The following LRRC69 variants were observed in gnomAD, a reference collection of about 807,000 sequenced individuals.
LRRC69 encodes leucine rich repeat containing 69.
LRRC69 carries 42 observed loss-of-function variants against 37.8 expected under a neutral mutation model. The ratio of observed to expected loss-of-function variants is 1.11; its 90% confidence interval spans 0.87 to 1.44. The LOEUF is 1.44. Ranked by LOEUF, LRRC69 falls within the 40% of genes most tolerant of loss-of-function variation. The pLI, the probability that LRRC69 is intolerant of heterozygous loss-of-function variation, is 0.00. For missense variants in LRRC69, 357 were observed against 401.9 expected, an observed-to-expected ratio of 0.89 and a Z score of 0.96; for synonymous variants, 141 against 143.1, an observed-to-expected ratio of 0.99 and a Z score of 0.11.
At chr8:91,197,657 C>A (rs555546174) in intron 6 of LRRC69, among the ~76,000 whole-genome samples, 1 of 152,212 alleles carries the variant, frequency 6.6e-6, no homozygotes. Context: ...AACTCCCTGA[C>A]CCCTTGCGCT....
At chr8:91,159,910 A>C (rs1221082427) in intron 5 of LRRC69, among the ~76,000 whole-genome samples, 1 of 151,066 alleles carries the variant, frequency 6.6e-6, no homozygotes, top group Non-Finnish European at 1.5e-5. Context: ...TCATGTCTCC[A>C]ACAACAGTGA....
chr8:91,176,667 G>A (rs1436172553), intron 5 of LRRC69, among the ~76,000 whole-genome samples: 1 of 152,184 alleles, frequency 6.6e-6, no homozygotes, highest in African/African-American at 2.4e-5. Flanking sequence ...CAGGAGAGCT[G>A]ATGGCATAAG....
At position 91,178,257 on chromosome 8, in the gene LRRC69, C is replaced by A. The variant is rs183339588; in HGVS notation, c.652-11265C>A. Among the ~76,000 whole-genome samples, 1,508 of 152,266 alleles carry A rather than the reference C, an allele frequency of 9.9e-3. 13 individuals carry two copies. Among genetic ancestry groups the A allele is most frequent in the Middle Eastern group, 0.02 (6 of 294 alleles). On this transcript the variant is annotated intron_variant, in intron 5 of 7. Coordinates refer to ENST00000448384, the Ensembl canonical transcript of LRRC69. ...TGACAGAGTAGTAGTTGGAAAGAGT[C>A]CAGGCCTAGAGGCCTATTTCATTTC...
intron 5 of LRRC69, chr8:91,157,787 G>T: frequency 6.2e-7 from 1 of 1,607,712 alleles, no homozygotes; most frequent in Non-Finnish European, 8.5e-7. Context: ...TATCGCAGCA[G>T]TGGAAGTGGA....
intron 5 of LRRC69, among the ~76,000 whole-genome samples, chr8:91,160,280 G>T (rs1278122799): frequency 5.3e-5 from 8 of 149,850 alleles, no homozygotes; most frequent in African/African-American, 1.9e-4. Context: ...CAGGTTTTTT[G>T]GCGGAATCTT....
intron 6 of LRRC69, among the ~76,000 whole-genome samples, chr8:91,189,863 A>G (rs569315533): frequency 6.6e-6 from 1 of 152,212 alleles, no homozygotes; most frequent in Non-Finnish European, 1.5e-5. Flanking sequence ...TGTAGGATGA[A>G]TAAAAGAGAG....
chr8:91,214,062 G>A (rs1378578205), intron 7 of LRRC69, among the ~76,000 whole-genome samples: 5 of 152,152 alleles, frequency 3.3e-5, no homozygotes, highest in Admixed American at 2.6e-4. Context: ...TGGCAATAGT[G>A]TGCTGGCTTA....
intron 7 of LRRC69, among the ~76,000 whole-genome samples, chr8:91,214,512 C>A (rs1048409895): frequency 6.6e-6 from 1 of 152,124 alleles, no homozygotes; most frequent in Admixed American, 6.6e-5. Flanking sequence ...GGGAATCATA[C>A]AATGACTAAC....
At chr8:91,134,542 T>G (rs561200785) in intron 4 of LRRC69, among the ~76,000 whole-genome samples, 61 of 151,674 alleles carry the variant, frequency 4.0e-4, no homozygotes, top group Non-Finnish European at 5.9e-4. Context: ...ACAGTGAACA[T>G]GTATCTTTCC....
chr8:91,172,964 A>G (rs887048027), intron 5 of LRRC69, among the ~76,000 whole-genome samples: 8 of 152,002 alleles, frequency 5.3e-5, no homozygotes, highest in Admixed American at 1.3e-4. Flanking sequence ...CACTTTACAG[A>G]GAGGAAAAAT....
At chr8:91,196,794 C>T (rs1235946391) in intron 6 of LRRC69, among the ~76,000 whole-genome samples, 1 of 151,958 alleles carries the variant, frequency 6.6e-6, no homozygotes, top group African/African-American at 2.4e-5. Context: ...GTTTGAATGT[C>T]CTCCCGTAGC....
chr8:91,178,615 G>A (rs1268505487), intron 5 of LRRC69, among the ~76,000 whole-genome samples: 1 of 152,216 alleles, frequency 6.6e-6, no homozygotes, highest in Non-Finnish European at 1.5e-5. Flanking sequence ...TAAAGATGAT[G>A]AAAGTCCCTG....
chr8:91,110,738 A>G (rs1813394085), intron 1 of LRRC69, among the ~76,000 whole-genome samples: 1 of 152,066 alleles, frequency 6.6e-6, no homozygotes, highest in Non-Finnish European at 1.5e-5. Context: ...GTGATAATTA[A>G]TAGCTACAAG....
At chr8:91,219,032 C>A, downstream of LRRC69, 1 of 1,249,456 alleles carries the variant, frequency 8.0e-7, no homozygotes, top group South Asian at 1.4e-5. Context: ...TAGCCTCACT[C>A]CACTTGCCCT....
intron 5 of LRRC69, among the ~76,000 whole-genome samples, chr8:91,187,717 C>T (rs1809428623): frequency 6.6e-6 from 1 of 152,220 alleles, no homozygotes; most frequent in South Asian, 2.1e-4. Flanking sequence ...GTCTTATTCT[C>T]TGCTTCAAAC....
chr8:91,132,733 T>C (rs1322119801), intron 3 of LRRC69, among the ~76,000 whole-genome samples: 1 of 152,014 alleles, frequency 6.6e-6, no homozygotes, highest in African/African-American at 2.4e-5. Flanking sequence ...TGTCTATGTA[T>C]GCTTATGCCT....
chr8:91,218,915 A>C lies in LRRC69; in HGVS notation c.959A>C (p.Lys320Thr), dbSNP rs757166739. Residue 320 changes from lysine to threonine, a missense_variant, in exon 8 of 8, where the codon AAG (lysine) becomes ACG (threonine). Coordinates refer to ENST00000448384, the Ensembl canonical transcript of LRRC69. ...GACTGGAAGATAAGCAAGAATCTGA[A>C]GCTGGTGCCTCTCCAAGTATTAATT... is the stretch of plus-strand genomic sequence containing the variant. 5.2e-6 allele frequency: 8 copies of C among 1,550,130 alleles called. 1 individual carries two copies.
rs555679297 is a variant in LRRC69 at position 91,109,258 on chromosome 8, G to C, written c.183+6414G>C. 1.8e-4 allele frequency among the ~76,000 whole-genome samples: 28 copies of C among 152,172 alleles called. No homozygotes were observed. In the Middle Eastern group the frequency reaches 0.01, roughly 55 times the overall value. ...ATGCAGCTTCTCTCTCTGCTGGCAG[G>C]TGTCTAGAAAAGACACAGCCCTCTT... On this transcript the variant is annotated intron_variant, in intron 1 of 7. Transcript: ENST00000448384.
At chr8:91,217,092 AT>A (rs1377145948) in intron 7 of LRRC69, among the ~76,000 whole-genome samples, 1 of 152,012 alleles carries the variant, frequency 6.6e-6, no homozygotes, top group African/African-American at 2.4e-5. Flanking sequence ...GGGCTGAGCC[AT>A]ATGTTTCTAT....
Sources: allele counts gnomAD v4.1 joint callset (sites outside exome capture counted in the v4.1 genomes callset), GRCh38; gene constraint gnomAD v4.1.1; transcripts MANE v1.5; gene names NCBI Gene and HGNC (gene_info 2026-07-23, HGNC 2026-07-21).